The following NEK6 variants were observed in gnomAD, a reference collection of about 807,000 sequenced individuals.
NEK6 encodes NIMA related kinase 6.
NEK6 carries 27 observed loss-of-function variants against 43.5 expected under a neutral mutation model. The observed-to-expected ratio is 0.62, with a 90% CI of 0.46 to 0.86. The LOEUF (loss-of-function observed/expected upper bound fraction) is 0.86, where lower values mean the gene tolerates loss of function less well. Ranked by LOEUF, NEK6 falls within the 40% of genes least tolerant of loss-of-function variation. NEK6 has a pLI of 0.00. For synonymous variants in NEK6, 167 were observed against 164.1 expected (o/e 1.02, Z -0.14); for missense variants, 318 against 414.4 (o/e 0.77, Z 2.02).
chr9:124,336,490 C>G (rs1829296090), intron 7 of NEK6, among the ~76,000 whole-genome samples: 1 of 152,096 alleles, frequency 6.6e-6, no homozygotes, highest in South Asian at 2.1e-4. Context: ...CCCGTGAAAC[C>G]CTGAGGCCTC....
intron 1 of NEK6, among the ~76,000 whole-genome samples, chr9:124,272,845 G>T (rs141257974): frequency 6.6e-6 from 1 of 152,334 alleles, no homozygotes; most frequent in African/African-American, 2.4e-5. Flanking sequence ...AGCACAGTGT[G>T]CCCACTGCCA....
chr9:124,281,354 C>G (rs1440613975), intron 1 of NEK6, among the ~76,000 whole-genome samples: 1 of 152,188 alleles, frequency 6.6e-6, no homozygotes, highest in Non-Finnish European at 1.5e-5. Flanking sequence ...GCACAGTGGC[C>G]TGAGTCCACT....
At chr9:124,349,850 C>T (rs1309942686) in intron 9 of NEK6, among the ~76,000 whole-genome samples, 2 of 152,214 alleles carry the variant, frequency 1.3e-5, no homozygotes, top group Admixed American at 6.5e-5. Context: ...CCTGTGTCAC[C>T]TGGGCTTCTC....
chr9:124,326,303 T>C lies in NEK6; in HGVS notation c.406-27T>C. ...CTCCAAGCCCGCTCACCCGGGCCTA[T>C]CCCTCTGCTTGTCTCCCCCACTGCA... On this transcript the variant is annotated intron_variant, in intron 5 of 9. Coordinates refer to ENST00000320246, the MANE Select transcript of NEK6 (RefSeq NM_014397.6). The surrounding 1 kb of genome is among the most constrained non-coding windows in gnomAD (Gnocchi z 4.5). 6.7e-7 allele frequency: 1 copy of C among 1,501,900 alleles called. No individual in the cohort carries two copies. Among genetic ancestry groups the C allele is most frequent in the South Asian group, 1.1e-5 (1 of 89,798 alleles). The allele number at this position is 1,501,900 out of a possible 1,614,324, so 93.0% of individuals were successfully genotyped here.
chr9:124,276,432 C>T (rs372930081), intron 1 of NEK6, among the ~76,000 whole-genome samples: 248 of 152,122 alleles, frequency 1.6e-3, no homozygotes, highest in African/African-American at 5.3e-3. Context: ...AGGGTGAGGC[C>T]GAGGCCCACA....
chr9:124,291,095 C>T (rs1832396140), intron 1 of NEK6, among the ~76,000 whole-genome samples: 1 of 152,202 alleles, frequency 6.6e-6, no homozygotes, highest in African/African-American at 2.4e-5. Context: ...TGCCTTGTGC[C>T]CCGCCTGGCC....
intron 3 of NEK6, among the ~76,000 whole-genome samples, chr9:124,313,268 G>A (rs1833633234): frequency 6.6e-6 from 1 of 152,316 alleles, no homozygotes; most frequent in Non-Finnish European, 1.5e-5. Flanking sequence ...AGGGCCGGGA[G>A]AGAGAATGGC....
intron 6 of NEK6, 23 bp from the exon 7 acceptor site, chr9:124,327,315 A>T (rs1326869110): frequency 6.2e-7 from 1 of 1,607,964 alleles, no homozygotes; most frequent in South Asian, 1.1e-5. Flanking sequence ...CCCCACACCA[A>T]TCTCCTTCTC....
intron 1 of NEK6, among the ~76,000 whole-genome samples, chr9:124,263,775 G>A (rs767757813): frequency 5.9e-5 from 9 of 152,190 alleles, no homozygotes; most frequent in Non-Finnish European, 1.2e-4. Context: ...AGGAGACAGC[G>A]CAGTTTGCAA....
intron 2 of NEK6, among the ~76,000 whole-genome samples, chr9:124,304,656 C>A (rs539294502): frequency 6.6e-6 from 1 of 152,166 alleles, no homozygotes; most frequent in African/African-American, 2.4e-5. Flanking sequence ...CTGGATAATA[C>A]CCCCAGTGTA....
At chr9:124,332,018 G>A (rs1343445427) in intron 7 of NEK6, among the ~76,000 whole-genome samples, 2 of 152,196 alleles carry the variant, frequency 1.3e-5, no homozygotes, top group Non-Finnish European at 2.9e-5. Flanking sequence ...GCAGTCACAG[G>A]TCTGCCACCT....
chr9:124,277,993 C>T (rs1008218511), intron 1 of NEK6, among the ~76,000 whole-genome samples: 7 of 152,178 alleles, frequency 4.6e-5, no homozygotes, highest in African/African-American at 1.2e-4. Context: ...AGTTTTAATA[C>T]GGGATGCACC....
intron 1 of NEK6, among the ~76,000 whole-genome samples, chr9:124,299,423 A>G (rs903691920): frequency 1.3e-5 from 2 of 152,160 alleles, no homozygotes; most frequent in African/African-American, 4.8e-5. Flanking sequence ...GCTCTCTCTC[A>G]TATTCCCCCT....
chr9:124,269,348 G>A (rs145080110), intron 1 of NEK6, among the ~76,000 whole-genome samples: 1 of 152,150 alleles, frequency 6.6e-6, no homozygotes, highest in Non-Finnish European at 1.5e-5. Context: ...ACCCCTGCCT[G>A]GGTGACCCCT....
Position 124,330,341 on chromosome 9 carries a change from G to C in NEK6, c.622+2896G>C, listed in dbSNP as rs149224147. ...GTAATGCAGGAAAAATGAAAGATTTGCCTATACACAGCTCACAAGCTACAA... is the reference window on the plus strand; with the variant it reads ...GTAATGCAGGAAAAATGAAAGATTTCCCTATACACAGCTCACAAGCTACAA... On this transcript the variant is annotated intron_variant, in intron 7 of 9. Coordinates refer to ENST00000320246, the MANE Select transcript of NEK6 (RefSeq NM_014397.6). Among the ~76,000 whole-genome samples the C allele has an allele frequency of 1.1e-4, 16 of 152,344 alleles. 2 individuals carry two copies. Among genetic ancestry groups the C allele is most frequent in the African/African-American group, 3.8e-4 (16 of 41,576 alleles).
chr9:124,336,552 G>A (rs766558100), intron 7 of NEK6, among the ~76,000 whole-genome samples: 1 of 152,134 alleles, frequency 6.6e-6, no homozygotes, highest in Non-Finnish European at 1.5e-5. Context: ...TCCTCCCAGG[G>A]TCCTGGATCC....
chr9:124,327,563 A>G, intron 7 of NEK6, 118 bp downstream of exon 7: 1 of 793,056 alleles, frequency 1.3e-6, no homozygotes, highest in Admixed American at 2.0e-5. Context: ...TGCCTTTTTT[A>G]AGCCCCAGGG....
Position 124,275,948 on chromosome 9 carries a change from G to A in NEK6, c.-30+17863G>A, listed in dbSNP as rs1407947392. On this transcript the variant is annotated intron_variant, in intron 1 of 9. Coordinates refer to ENST00000320246, the MANE Select transcript of NEK6 (RefSeq NM_014397.6). The surrounding 1 kb of genome is among the most constrained non-coding windows in gnomAD (Gnocchi z 4.4). ...TCACATACCCATTGTGCCTGCTGCG[G>A]TGATCCTTTAAACGACAGTTAGGTT... is the stretch of plus-strand genomic sequence containing the variant. 2.0e-5 allele frequency among the ~76,000 whole-genome samples: 3 copies of A among 152,252 alleles called. No homozygotes were observed. The highest frequency in any genetic ancestry group is 2.9e-5 in the Non-Finnish European group (2 of 68,044).
intron 1 of NEK6, among the ~76,000 whole-genome samples, chr9:124,270,077 C>T (rs570525069): frequency 2.0e-5 from 3 of 152,168 alleles, no homozygotes; most frequent in African/African-American, 7.2e-5. Flanking sequence ...ACGCCCCCCC[C>T]CCATGCTGTC....
Sources: allele counts gnomAD v4.1 joint callset (sites outside exome capture counted in the v4.1 genomes callset), GRCh38; gene constraint gnomAD v4.1.1; non-coding constraint Gnocchi (gnomAD v3.1); transcripts MANE v1.5; gene names NCBI Gene and HGNC (gene_info 2026-07-23, HGNC 2026-07-21).